Variants in KIAA0586 observed in about 807,000 individuals in gnomAD.
KIAA0586 encodes protein TALPID3.
A neutral mutation model predicts 169.8 loss-of-function variants in KIAA0586; 144 were observed. The observed-to-expected ratio is 0.85, with a 90% CI of 0.74 to 0.97. The LOEUF (loss-of-function observed/expected upper bound fraction) is 0.97. Among genes scored for constraint, KIAA0586 ranks in the 50% least tolerant of loss-of-function variants. The probability of loss-of-function intolerance (pLI) is 0.00; values close to 1 mark genes in which losing one functional copy is unlikely to be tolerated. For synonymous variants in KIAA0586, 625 were observed against 612.4 expected (o/e 1.02, Z -0.30); for missense variants, 1,854 against 1,823.0 (o/e 1.02, Z -0.31).
rs901508284 is a variant in KIAA0586, at chr14:58,456,812, T to C, written c.1362+2T>C. On this transcript the variant is annotated splice_donor_variant, in intron 10 of 30. Coordinates refer to ENST00000652326, the MANE Select transcript of KIAA0586 (RefSeq NM_001329943.3). LOFTEE classifies it high-confidence loss of function. ...AAAGAAACAAATAGCATGGTCCAGGTAAAGTGGGAATGGTCTTAAAATTGA... is the reference window on the plus strand; with the variant it reads ...AAAGAAACAAATAGCATGGTCCAGGCAAAGTGGGAATGGTCTTAAAATTGA... 6.7e-7 allele frequency: 1 copy of C among 1,501,742 alleles called. No homozygotes were observed. The allele number at this position is 1,501,742 out of a possible 1,614,324, so 93.0% of individuals were successfully genotyped here.
At chr14:58,449,578 T>G (rs1198005490) in intron 7 of KIAA0586, among the ~76,000 whole-genome samples, 1 of 152,066 alleles carries the variant, frequency 6.6e-6, no homozygotes, top group Non-Finnish European at 1.5e-5. Context: ...TGAAGTAATA[T>G]GAGTCCATTT....
intron 25 of KIAA0586, among the ~76,000 whole-genome samples, 154 bp downstream of exon 25, chr14:58,490,394 C>T (rs933918796): frequency 2.0e-5 from 3 of 151,982 alleles, no homozygotes; most frequent in African/African-American, 7.2e-5. Context: ...TTGCACATTT[C>T]ATTATGTAAT....
At chr14:58,547,691 C>G in intron 30 of KIAA0586, 90 bp from the exon 31 acceptor site, 2 of 1,098,528 alleles carry the variant, frequency 1.8e-6, no homozygotes, top group South Asian at 1.4e-5. Flanking sequence ...CGCGCCCCCC[C>G]ACCCCAACCT....
At chr14:58,450,453 C>T in intron 7 of KIAA0586, 126 bp from the exon 8 acceptor site, 3 of 606,224 alleles carry the variant, frequency 4.9e-6, no homozygotes, top group Non-Finnish European at 8.7e-6. Flanking sequence ...TATTTCTCTA[C>T]ACTTAATAAT....
chr14:58,443,164 G>A (rs1411699154), intron 5 of KIAA0586, among the ~76,000 whole-genome samples: 1 of 152,126 alleles, frequency 6.6e-6, no homozygotes, highest in Non-Finnish European at 1.5e-5. Context: ...CTGGATAATC[G>A]GTTATTCTTA....
intron 13 of KIAA0586, among the ~76,000 whole-genome samples, chr14:58,460,488 T>A (rs2040236713): frequency 6.6e-6 from 1 of 152,126 alleles, no homozygotes; most frequent in Non-Finnish European, 1.5e-5. Flanking sequence ...GAGGAAATTT[T>A]TTTGACTGCT....
chr14:58,499,232 G>A (rs1250895248), intron 27 of KIAA0586, among the ~76,000 whole-genome samples: 3 of 152,048 alleles, frequency 2.0e-5, no homozygotes, highest in Admixed American at 6.6e-5. Context: ...CTTTTTAACT[G>A]TGATACTTTT....
At chr14:58,487,784 G>C in intron 22 of KIAA0586, 103 bp from the exon 23 acceptor site, 1 of 657,524 alleles carries the variant, frequency 1.5e-6, no homozygotes. Context: ...CATTATTTGT[G>C]TGCTAAAATG....
At chr14:58,502,424 G>A (rs1245542723) in intron 27 of KIAA0586, among the ~76,000 whole-genome samples, 2 of 152,228 alleles carry the variant, frequency 1.3e-5, no homozygotes, top group Admixed American at 1.3e-4. Context: ...ACACGTGTGA[G>A]CCACTGCGCC....
chr14:58,472,568 C>T (rs1311852563), intron 18 of KIAA0586, among the ~76,000 whole-genome samples: 1 of 151,572 alleles, frequency 6.6e-6, no homozygotes, highest in Admixed American at 6.6e-5. Context: ...GCTTCTTTTC[C>T]TCCAATTTGT....
intron 15 of KIAA0586, 34 bp from the exon 16 acceptor site, chr14:58,467,701 C>G (rs1443677338): frequency 7.4e-6 from 11 of 1,482,036 alleles, no homozygotes; most frequent in Non-Finnish European, 1.0e-5. Flanking sequence ...TTTTTCTGAA[C>G]TAGTTGACTT....
intron 29 of KIAA0586, among the ~76,000 whole-genome samples, chr14:58,533,331 A>G (rs2046096456): frequency 6.6e-6 from 1 of 152,248 alleles, no homozygotes; most frequent in Middle Eastern, 3.2e-3. Context: ...TGGTGTCACA[A>G]AAGAAATGAA....
At position 58,427,961 on chromosome 14, in the gene KIAA0586, A is replaced by G. The variant is rs925071470; in HGVS notation, c.-304A>G. The G allele has an allele frequency of 5.0e-6, 7 of 1,406,120 alleles. No homozygotes were observed. The African/African-American group carries it at 1.0e-4, about 20-fold the overall frequency. 87.1% of individuals were successfully genotyped at this position (1,406,120 alleles called of 1,614,324 possible). A position where few individuals can be genotyped will look rare whatever the true frequency, so the allele number is the denominator to read the frequency against. On this transcript the variant is annotated 5_prime_UTR_variant, in exon 1 of 31. Transcript: ENST00000652326. ...TACATGTGTTTGGTTTTGCCCTACCAGCTCTGGGGTTGGGGAGTGCACTGT... is the reference window on the plus strand; with the variant it reads ...TACATGTGTTTGGTTTTGCCCTACCGGCTCTGGGGTTGGGGAGTGCACTGT...
At chr14:58,482,825 A>C in intron 21 of KIAA0586, 113 bp downstream of exon 21, 2 of 761,526 alleles carry the variant, frequency 2.6e-6, no homozygotes, top group South Asian at 5.9e-5. Context: ...TTTTAGAGAC[A>C]TGGTCTTTAT....
rs2141192810 is a variant in KIAA0586 at position 58,487,921 on chromosome 14, T to G, written c.3339T>G (p.Thr1113=). 1 of 1,613,478 alleles carries G rather than the reference T, an allele frequency of 6.2e-7. No individual in the cohort carries two copies. The highest frequency in any genetic ancestry group is 2.2e-5 in the East Asian group (1 of 44,824). Residue 1113 remains threonine, a synonymous_variant, in exon 23 of 31, where the codon ACT becomes ACG. Coordinates refer to ENST00000652326, the MANE Select transcript of KIAA0586 (RefSeq NM_001329943.3). ...DDMPAIMLVN[T]PTVTPTTTPP... Reference sequence around the variant, plus strand: ...TGCCTGCCATCATGCTTGTTAATACTCCAACAGTTACCCCTACTACTACAC... The same window carrying G: ...TGCCTGCCATCATGCTTGTTAATACGCCAACAGTTACCCCTACTACTACAC...
chr14:58,537,882 C>T (rs992648684), intron 29 of KIAA0586, among the ~76,000 whole-genome samples: 6 of 152,284 alleles, frequency 3.9e-5, no homozygotes, highest in East Asian at 1.9e-4. Flanking sequence ...CTCCTGACCT[C>T]CTGATCTTCC....
chr14:58,485,688 C>T (rs1020640178), intron 21 of KIAA0586, among the ~76,000 whole-genome samples: 1 of 152,106 alleles, frequency 6.6e-6, no homozygotes, highest in African/African-American at 2.4e-5. Context: ...GAATTTTGAA[C>T]CATTTGAATG....
At chr14:58,538,309 A>C (rs1425336897) in intron 29 of KIAA0586, among the ~76,000 whole-genome samples, 1 of 152,238 alleles carries the variant, frequency 6.6e-6, no homozygotes, top group Non-Finnish European at 1.5e-5. Flanking sequence ...GTTTAACATG[A>C]ATGTTTATCT....
intron 11 of KIAA0586, 23 bp downstream of exon 11, chr14:58,458,002 G>A (rs1342345336): frequency 1.4e-6 from 2 of 1,454,868 alleles, no homozygotes; most frequent in Admixed American, 3.9e-5. Flanking sequence ...TGGCATCCAG[G>A]GTTATTTATG....
Sources: gnomAD v4.1 joint callset for allele counts (sites outside exome capture counted in the v4.1 genomes callset) on GRCh38, gnomAD v4.1.1 for gene constraint, MANE v1.5 for transcripts, NCBI Gene and HGNC (gene_info 2026-07-23, HGNC 2026-07-21) for gene names.